Variants in LRRTM4 observed in about 807,000 individuals in gnomAD.
LRRTM4 encodes the protein leucine-rich repeat transmembrane neuronal protein 4.
Under a neutral mutation model 47.6 loss-of-function variants are expected in LRRTM4, and 25 were observed. That is an observed-to-expected ratio of 0.53 (90% CI 0.38 to 0.73). LRRTM4 has a LOEUF of 0.73. LRRTM4 is among the 30% of genes least tolerant of loss of function. The pLI, the probability that LRRTM4 is intolerant of heterozygous loss-of-function variation, is 0.00. For missense variants in LRRTM4, 638 were observed against 713.4 expected, an observed-to-expected ratio of 0.89 and a Z score of 1.20; for synonymous variants, 311 against 269.5, an observed-to-expected ratio of 1.15 and a Z score of -1.51.
At chr2:77,305,195 C>T (rs1174173336) in intron 3 of LRRTM4, among the ~76,000 whole-genome samples, 1 of 151,750 alleles carries the variant, frequency 6.6e-6, no homozygotes, top group Non-Finnish European at 1.5e-5. Flanking sequence ...AATTCAACAC[C>T]AAAACATCAA....
intron 3 of LRRTM4, among the ~76,000 whole-genome samples, chr2:77,244,292 G>A (rs1314791857): frequency 3.4e-5 from 5 of 146,578 alleles, no homozygotes; most frequent in African/African-American, 1.0e-4. Context: ...ACCCAGTAAT[G>A]GGATGGCTGG....
At chr2:77,379,301 T>G (rs2103787892) in intron 3 of LRRTM4, among the ~76,000 whole-genome samples, 1 of 152,242 alleles carries the variant, frequency 6.6e-6, no homozygotes, top group South Asian at 2.1e-4. Flanking sequence ...CCCCGCTATC[T>G]TTTCACTGGT....
At chr2:77,120,129 G>A (rs1013618475) in intron 3 of LRRTM4, among the ~76,000 whole-genome samples, 2 of 151,868 alleles carry the variant, frequency 1.3e-5, no homozygotes, top group East Asian at 3.9e-4. Context: ...CGAAAGGAAG[G>A]TAGGAGCTAT....
chr2:76,763,044 G>A (rs1265045585), intron 3 of LRRTM4, among the ~76,000 whole-genome samples: 1 of 152,110 alleles, frequency 6.6e-6, no homozygotes, highest in Non-Finnish European at 1.5e-5. Flanking sequence ...TGATAGAATG[G>A]CATTCTCTTC....
intron 3 of LRRTM4, among the ~76,000 whole-genome samples, chr2:77,478,053 C>G (rs946315690): frequency 6.6e-6 from 1 of 152,060 alleles, no homozygotes; most frequent in Non-Finnish European, 1.5e-5. Context: ...CCAGTATCCT[C>G]TTCAAGGCTA....
chr2:77,348,108 A>T (rs931379524), intron 3 of LRRTM4, among the ~76,000 whole-genome samples: 4 of 151,804 alleles, frequency 2.6e-5, no homozygotes, highest in Non-Finnish European at 5.9e-5. Flanking sequence ...TCTTTCATAT[A>T]CTTCTGCAGG....
chr2:76,989,783 C>G (rs1281903100), intron 3 of LRRTM4: 2 of 151,766 alleles, frequency 1.3e-5, no homozygotes, highest in East Asian at 1.9e-4. Context: ...AAAAGTATTT[C>G]TATAATGTTT....
chr2:77,357,615 T>C (rs1052239713), intron 3 of LRRTM4, among the ~76,000 whole-genome samples: 4 of 152,176 alleles, frequency 2.6e-5, no homozygotes, highest in African/African-American at 9.7e-5. Context: ...CTATATTAGG[T>C]GTTAAGACAA....
chr2:77,219,122 G>A (rs891815403), intron 3 of LRRTM4, among the ~76,000 whole-genome samples: 1 of 152,096 alleles, frequency 6.6e-6, no homozygotes, highest in African/African-American at 2.4e-5. Context: ...TGTCATAAAA[G>A]AGGCAAGAAC....
At chr2:77,032,903 T>C (rs1035422758) in intron 3 of LRRTM4, among the ~76,000 whole-genome samples, 1 of 152,106 alleles carries the variant, frequency 6.6e-6, no homozygotes, top group African/African-American at 2.4e-5. Context: ...TGGGTTCTAA[T>C]TGCCTATTAC....
rs146928482 is a variant in LRRTM4, at chr2:77,369,489, G to T, written c.1551+148829C>A. On this transcript the variant is annotated intron_variant, in intron 3 of 3. Transcript: ENST00000409884. The stretch of plus-strand genomic sequence containing the variant: ...TAATCTACAACATGAAGACGAAAGT[G>T]GACAATAGTTTATTGCATTCGGGAT... 4.6e-3 allele frequency among the ~76,000 whole-genome samples: 705 copies of T among 151,734 alleles called. 7 individuals carry two copies. Among genetic ancestry groups the T allele is most frequent in the African/African-American group, 0.015 (628 of 41,450 alleles).
intron 3 of LRRTM4, among the ~76,000 whole-genome samples, chr2:77,077,196 T>C (rs915111104): frequency 6.6e-6 from 1 of 152,140 alleles, no homozygotes; most frequent in Non-Finnish European, 1.5e-5. Flanking sequence ...AACACTTCTT[T>C]TCATGTAGCA....
intron 3 of LRRTM4, among the ~76,000 whole-genome samples, chr2:77,049,155 T>TAC (rs1157832273): frequency 1.4e-4 from 17 of 125,808 alleles, no homozygotes; most frequent in South Asian, 2.3e-4. Flanking sequence ...TATATATATA[T>TAC]ATACACACAC....
chr2:76,947,489 A>T (rs1277187199), intron 3 of LRRTM4, among the ~76,000 whole-genome samples: 6 of 151,908 alleles, frequency 3.9e-5, no homozygotes, highest in African/African-American at 1.4e-4. Context: ...TGTTTTATTA[A>T]TATCATATAA....
chr2:77,111,243 G>A (rs986459250), intron 3 of LRRTM4, among the ~76,000 whole-genome samples: 3 of 151,016 alleles, frequency 2.0e-5, no homozygotes, highest in African/African-American at 7.3e-5. Flanking sequence ...TCAGGCTGCC[G>A]AGTAGCTGGG....
intron 3 of LRRTM4, among the ~76,000 whole-genome samples, chr2:77,269,171 C>A (rs1258422653): frequency 2.0e-5 from 3 of 151,840 alleles, no homozygotes; most frequent in Non-Finnish European, 2.9e-5. Context: ...TTTAGAATTT[C>A]TTTTAATAAA....
chr2:77,129,159 T>C (rs1204249159), intron 3 of LRRTM4, among the ~76,000 whole-genome samples: 2 of 152,220 alleles, frequency 1.3e-5, no homozygotes, highest in African/African-American at 4.8e-5. Context: ...AACTCATGTA[T>C]ATGTCAAGTA....
intron 3 of LRRTM4, among the ~76,000 whole-genome samples, chr2:76,876,137 G>A (rs906528989): frequency 5.9e-5 from 9 of 152,008 alleles, no homozygotes; most frequent in African/African-American, 2.2e-4. Context: ...AACATAGTAT[G>A]CCTAACGATT....
chr2:77,341,578 G>A (rs911362426), intron 3 of LRRTM4, among the ~76,000 whole-genome samples: 6 of 151,970 alleles, frequency 3.9e-5, no homozygotes, highest in Non-Finnish European at 7.4e-5. Context: ...TGTGCCCTAC[G>A]AGACAAGAAC....
Sources: gnomAD v4.1 joint callset for allele counts (sites outside exome capture counted in the v4.1 genomes callset) on GRCh38, gnomAD v4.1.1 for gene constraint, MANE v1.5 for transcripts, NCBI Gene and HGNC (gene_info 2026-07-23, HGNC 2026-07-21) for gene names.